DTNA: variants seen among roughly 807,000 people sequenced by gnomAD.
DTNA encodes the protein dystrophin-related protein 3.
Under a neutral mutation model 100.7 loss-of-function variants are expected in DTNA, and 43 were observed. That is an observed-to-expected ratio of 0.43 (90% CI 0.33 to 0.55). The LOEUF is 0.55. Among genes scored for constraint, DTNA ranks in the 20% least tolerant of loss-of-function variants. The pLI, the probability that DTNA is intolerant of heterozygous loss-of-function variation, is 0.04. For missense variants in DTNA, 798 were observed against 953.9 expected, an observed-to-expected ratio of 0.84 and a Z score of 2.15; for synonymous variants, 349 against 347.9, an observed-to-expected ratio of 1.00 and a Z score of -0.04.
intron 1 of DTNA, among the ~76,000 whole-genome samples, chr18:34,679,821 T>TATC (rs2077840633): frequency 6.6e-6 from 1 of 152,170 alleles, no homozygotes; most frequent in Non-Finnish European, 1.5e-5. Context: ...TTATTATTAT[T>TATC]ATCAGAAACC....
intron 1 of DTNA, among the ~76,000 whole-genome samples, chr18:34,578,388 T>C (rs773227537): frequency 1.2e-4 from 18 of 151,330 alleles, no homozygotes; most frequent in Non-Finnish European, 2.6e-4. Context: ...CTTTGTCAGA[T>C]GTATACATTG....
chr18:34,495,330 A>G (rs1342298886), intron 1 of DTNA, among the ~76,000 whole-genome samples: 1 of 152,236 alleles, frequency 6.6e-6, no homozygotes, highest in Non-Finnish European at 1.5e-5. Flanking sequence ...AGTGTCCTAC[A>G]GTAATTAAAG....
intron 1 of DTNA, among the ~76,000 whole-genome samples, chr18:34,692,329 ATTATC>A (rs1156708809): frequency 1.3e-5 from 2 of 152,232 alleles, no homozygotes; most frequent in African/African-American, 4.8e-5. Flanking sequence ...TTCCATGAAC[ATTATC>A]TTATTTAATC....
chr18:34,741,467 T>G (rs17556962), intron 1 of DTNA, among the ~76,000 whole-genome samples: 7,780 of 152,266 alleles, frequency 0.051, 314 homozygotes, highest in Non-Finnish European at 0.08. Flanking sequence ...GCTAACTAAA[T>G]ATATTGACAC....
intron 9 of DTNA, chr18:34,822,674 A>C (rs1206585642): frequency 1.3e-5 from 2 of 153,228 alleles, no homozygotes; most frequent in African/African-American, 4.8e-5. Flanking sequence ...GAGAGAGAGA[A>C]AGAGAGGGAG....
intron 1 of DTNA, among the ~76,000 whole-genome samples, chr18:34,540,176 C>T (rs1238914026): frequency 2.6e-5 from 4 of 151,690 alleles, no homozygotes; most frequent in Non-Finnish European, 4.4e-5. Context: ...ATATCTAATG[C>T]CTATATTTTC....
At chr18:34,629,150 GAAC>G (rs1328799650) in intron 1 of DTNA, among the ~76,000 whole-genome samples, 1 of 151,972 alleles carries the variant, frequency 6.6e-6, no homozygotes, top group Non-Finnish European at 1.5e-5. Flanking sequence ...TATTAATAAA[GAAC>G]AATCCTCACT....
intron 1 of DTNA, among the ~76,000 whole-genome samples, chr18:34,631,850 G>A (rs1359890782): frequency 6.6e-6 from 1 of 152,164 alleles, no homozygotes; most frequent in Non-Finnish European, 1.5e-5. Flanking sequence ...AGAGCTTATA[G>A]ATATGATCTG....
intron 1 of DTNA, among the ~76,000 whole-genome samples, chr18:34,588,927 A>C (rs569197622): frequency 6.6e-6 from 1 of 151,684 alleles, no homozygotes; most frequent in Non-Finnish European, 1.5e-5. Context: ...TATAAAAACT[A>C]TCATTGTTCC....
chr18:34,733,997 T>G (rs765245271), intron 1 of DTNA, among the ~76,000 whole-genome samples: 14 of 152,212 alleles, frequency 9.2e-5, no homozygotes, highest in Non-Finnish European at 1.9e-4. Flanking sequence ...CCCACACCTT[T>G]AAAATCCATT....
Position 34,806,246 on chromosome 18 carries a change from T to G in DTNA, c.390T>G (p.Phe130Leu), listed in dbSNP as rs764877872. 11 of 1,613,904 alleles carry G rather than the reference T, an allele frequency of 6.8e-6. No individual in the cohort carries two copies. The South Asian group carries it at 9.9e-5, about 14-fold the overall frequency. The part of the protein sequence containing the change: ...DPEGHGKISV[F>L]AVKMALATLC... ...AAGGCCATGGTAAAATTTCAGTATT[T>G]GCTGTCAAAATGGCTTTAGCCACAT... Residue 130 changes from phenylalanine (F) to leucine (L), a missense_variant, in exon 5 of 23, where the codon TTT becomes TTG. Coordinates refer to ENST00000444659, the MANE Select transcript of DTNA (RefSeq NM_001386795.1).
intron 1 of DTNA, among the ~76,000 whole-genome samples, chr18:34,595,005 T>A (rs967385578): frequency 1.3e-5 from 2 of 152,276 alleles, no homozygotes; most frequent in Non-Finnish European, 2.9e-5. Flanking sequence ...TTAGACAATT[T>A]GTTAAATGAT....
intron 1 of DTNA, among the ~76,000 whole-genome samples, chr18:34,611,941 G>A (rs2054290832): frequency 1.3e-5 from 2 of 152,194 alleles, no homozygotes; most frequent in Admixed American, 6.5e-5. Flanking sequence ...GGTGGCACTG[G>A]GCCTGTGTTT....
chr18:34,850,223 A>G (rs1439745385), intron 14 of DTNA, among the ~76,000 whole-genome samples: 1 of 152,232 alleles, frequency 6.6e-6, no homozygotes, highest in Non-Finnish European at 1.5e-5. Flanking sequence ...GTTTTTCTTT[A>G]TAATTCCTGA....
rs111743495 is a variant in DTNA, at chr18:34,596,505, T to C, written c.-2+102991T>C. On this transcript the variant is annotated intron_variant, in intron 1 of 19. Transcript: ENST00000283365. ...AAGTGCTGGGATTACAGGCATGAGC[T>C]ACCATGCCCAGCCTCTTTACTGTTT... Among the ~76,000 whole-genome samples the C allele has an allele frequency of 3.9e-3, 593 of 152,264 alleles. 5 individuals are homozygous for C. The highest frequency in any genetic ancestry group is 0.013 in the African/African-American group (543 of 41,568).
chr18:34,698,951 A>G (rs1351226628), intron 1 of DTNA, among the ~76,000 whole-genome samples: 4 of 150,586 alleles, frequency 2.7e-5, no homozygotes, highest in Non-Finnish European at 5.9e-5. Flanking sequence ...TCACATTGAC[A>G]CTCAATACTA....
intron 1 of DTNA, among the ~76,000 whole-genome samples, chr18:34,555,932 T>C (rs1029090258): frequency 6.6e-6 from 1 of 151,752 alleles, no homozygotes; most frequent in Non-Finnish European, 1.5e-5. Context: ...CCTTGTTGAC[T>C]TTCTGTCTCG....
intron 9 of DTNA, chr18:34,822,258 A>T (rs1350426946): frequency 6.6e-6 from 1 of 152,270 alleles, no homozygotes; most frequent in African/African-American, 2.4e-5. Context: ...TACCTCACAG[A>T]TGCTTATTAA....
At chr18:34,518,681 G>GTTT (rs35144785) in intron 1 of DTNA, among the ~76,000 whole-genome samples, 1 of 135,178 alleles carries the variant, frequency 7.4e-6, no homozygotes, top group African/African-American at 2.8e-5. Context: ...TTGACTTACC[G>GTTT]TTTTTTTTTT....
Sources: gnomAD v4.1 joint callset for allele counts (sites outside exome capture counted in the v4.1 genomes callset) on GRCh38, gnomAD v4.1.1 for gene constraint, MANE v1.5 for transcripts, NCBI Gene and HGNC (gene_info 2026-07-23, HGNC 2026-07-21) for gene names.